Variants in PRDM1 observed in about 807,000 individuals in gnomAD.
PRDM1 encodes the protein PR/SET domain 1, also known as PR domain zinc finger protein 1.
A neutral mutation model predicts 62.8 loss-of-function variants in PRDM1; 13 were observed. That is an observed-to-expected ratio of 0.21 (90% CI 0.13 to 0.33). PRDM1 has a LOEUF of 0.33. Among genes scored for constraint, PRDM1 ranks in the 10% least tolerant of loss-of-function variants. The pLI is 1.00. For synonymous variants in PRDM1, 396 were observed against 417.6 expected, an observed-to-expected ratio of 0.95 and a Z score of 0.63; for missense variants, 895 against 1,058.8, an observed-to-expected ratio of 0.85 and a Z score of 2.15.
At chr6:106,077,654 A>G (rs1016003846) in intron 1 of PRDM1, among the ~76,000 whole-genome samples, 1 of 152,276 alleles carries the variant, frequency 6.6e-6, no homozygotes, top group South Asian at 2.1e-4. Flanking sequence ...TGTTTAATAT[A>G]CATAACAGTT....
intron 3 of PRDM1, chr6:106,098,644 T>G: frequency 7.5e-7 from 1 of 1,336,080 alleles, no homozygotes; most frequent in Non-Finnish European, 9.9e-7. Context: ...ACTGTCAAAT[T>G]CGGGCTGCTG....
intron 1 of PRDM1, among the ~76,000 whole-genome samples, chr6:106,060,698 G>A (rs1773331967): frequency 6.6e-6 from 1 of 152,106 alleles, no homozygotes; most frequent in Non-Finnish European, 1.5e-5. Context: ...TGGAGTCAAA[G>A]CAGTAAAAAC....
intron 1 of PRDM1, among the ~76,000 whole-genome samples, chr6:106,066,243 C>T (rs193276694): frequency 6.6e-6 from 1 of 152,154 alleles, no homozygotes. Flanking sequence ...TGGTTAAGCC[C>T]CTCCATGTAC....
At chr6:106,053,070 T>C (rs1773205195) in intron 1 of PRDM1, among the ~76,000 whole-genome samples, 1 of 152,102 alleles carries the variant, frequency 6.6e-6, no homozygotes, top group Admixed American at 6.5e-5. Context: ...ATTTTTGGAG[T>C]AGAATTTTAT....
intron 1 of PRDM1, among the ~76,000 whole-genome samples, chr6:106,014,213 C>T (rs1390295977): frequency 6.6e-6 from 1 of 151,922 alleles, no homozygotes; most frequent in African/African-American, 2.4e-5. Flanking sequence ...GCATGCACCA[C>T]CATGCCTTGC....
intron 1 of PRDM1, among the ~76,000 whole-genome samples, chr6:106,051,483 C>G (rs1164466653): frequency 6.6e-6 from 1 of 152,178 alleles, no homozygotes; most frequent in Non-Finnish European, 1.5e-5. Flanking sequence ...ATAAAGAAGG[C>G]AGAGAAGGGG....
At chr6:106,060,452 T>G (rs1025863612) in intron 1 of PRDM1, among the ~76,000 whole-genome samples, 3 of 152,092 alleles carry the variant, frequency 2.0e-5, no homozygotes, top group African/African-American at 7.2e-5. Context: ...GGGGAGAGAC[T>G]GAGATGAGAG....
chr6:106,074,970 C>T lies in PRDM1; in HGVS notation c.-66-13231C>T, dbSNP rs2114604360. 2.0e-5 allele frequency among the ~76,000 whole-genome samples: 3 copies of T among 152,166 alleles called. No homozygotes were observed. In the South Asian group the frequency reaches 6.2e-4, roughly 32 times the overall value. ...GATGGGAGAGTTGACATATTGTTTC[C>T]AATACTGTATAATGTTTAAGGTTAA... On this transcript the variant is annotated intron_variant, in intron 1 of 6. Coordinates refer to the PRDM1 transcript ENST00000651185.
intron 1 of PRDM1, among the ~76,000 whole-genome samples, chr6:106,038,328 G>C (rs769042566): frequency 2.0e-5 from 3 of 151,912 alleles, no homozygotes; most frequent in Non-Finnish European, 4.4e-5. Context: ...ATTCTTGTAG[G>C]CTGTCTCTGT....
At chr6:106,040,702 T>C (rs1283002249) in intron 1 of PRDM1, among the ~76,000 whole-genome samples, 1 of 152,236 alleles carries the variant, frequency 6.6e-6, no homozygotes, top group African/African-American at 2.4e-5. Context: ...TTTGCAGTTA[T>C]GAATTAAGAG....
chr6:106,028,082 T>A (rs955621150), intron 1 of PRDM1, among the ~76,000 whole-genome samples: 5 of 152,228 alleles, frequency 3.3e-5, no homozygotes, highest in African/African-American at 9.6e-5. Flanking sequence ...TCAATAAATA[T>A]TTTTTTCTTT....
At chr6:106,011,054 G>A (rs946680496) in intron 1 of PRDM1, among the ~76,000 whole-genome samples, 5 of 152,292 alleles carry the variant, frequency 3.3e-5, no homozygotes, top group East Asian at 3.9e-4. Context: ...GCCCTGCACC[G>A]TTAATCCCCA....
At chr6:105,997,873 C>T (rs928459599) in intron 1 of PRDM1, among the ~76,000 whole-genome samples, 1 of 152,140 alleles carries the variant, frequency 6.6e-6, no homozygotes, top group African/African-American at 2.4e-5. Flanking sequence ...CTTTCTATTT[C>T]AGTAGTATTT....
chr6:106,068,251 C>G lies in PRDM1; in HGVS notation c.-67+19537C>G, dbSNP rs559452902. Reference sequence around the variant, plus strand: ...GGATTACAGGCGGATGCCACGACGCCCAGCCAATTTTTGTATTTTTAGTAG... The same window carrying G: ...GGATTACAGGCGGATGCCACGACGCGCAGCCAATTTTTGTATTTTTAGTAG... On this transcript the variant is annotated intron_variant, in intron 1 of 6. Coordinates refer to the PRDM1 transcript ENST00000651185. Among the ~76,000 whole-genome samples the G allele has an allele frequency of 1.1e-4, 17 of 152,184 alleles. No individual in the cohort carries two copies. In the South Asian group the frequency reaches 3.5e-3, roughly 32 times the overall value.
intron 1 of PRDM1, among the ~76,000 whole-genome samples, chr6:106,000,535 T>C (rs894504982): frequency 1.3e-5 from 2 of 152,012 alleles, no homozygotes; most frequent in Admixed American, 1.3e-4. Context: ...CCATCTCTTT[T>C]CCCTCCCTCC....
rs149076544 is a variant in PRDM1, at chr6:106,098,233, G to A, written c.412-1067G>A. ...CACTAGGTATTGACTGATTGTATAAGGAAATTTCTTAAAGTCTAAAGTAAA... is the reference window on the plus strand; with the variant it reads ...CACTAGGTATTGACTGATTGTATAAAGAAATTTCTTAAAGTCTAAAGTAAA... On this transcript the variant is annotated intron_variant, in intron 3 of 6. Transcript: ENST00000369096. The A allele has an allele frequency of 5.2e-5, 51 of 985,140 alleles. No individual in the cohort carries two copies. In the African/African-American group the frequency reaches 8.6e-4, roughly 17 times the overall value. 61.0% of individuals were successfully genotyped at this position (985,140 alleles called of 1,614,324 possible).
chr6:106,003,593 T>G (rs1772451786), intron 1 of PRDM1, among the ~76,000 whole-genome samples: 1 of 152,208 alleles, frequency 6.6e-6, no homozygotes, highest in African/African-American at 2.4e-5. Context: ...TGTTACTATT[T>G]TTCTTACTTT....
At chr6:106,041,607 T>G (rs1172934858) in intron 1 of PRDM1, among the ~76,000 whole-genome samples, 3 of 152,122 alleles carry the variant, frequency 2.0e-5, no homozygotes, top group Non-Finnish European at 2.9e-5. Context: ...ATGGAACCAT[T>G]GTGTATCCTG....
chr6:106,090,874 C>T (rs1287608315), intron 2 of PRDM1, among the ~76,000 whole-genome samples: 1 of 149,630 alleles, frequency 6.7e-6, no homozygotes, highest in African/African-American at 2.5e-5. Context: ...TACCATGTGT[C>T]AGCACCTTTT....
Sources: allele counts gnomAD v4.1 joint callset (sites outside exome capture counted in the v4.1 genomes callset), GRCh38; gene constraint gnomAD v4.1.1; transcripts MANE v1.5; gene names NCBI Gene and HGNC (gene_info 2026-07-23, HGNC 2026-07-21).